Variants in TRPC4AP observed in about 807,000 individuals in gnomAD.
The protein encoded by TRPC4AP is short transient receptor potential channel 4-associated protein.
Under a neutral mutation model 99.0 loss-of-function variants are expected in TRPC4AP, and 45 were observed. The ratio of observed to expected loss-of-function variants is 0.45; its 90% CI spans 0.36 to 0.58. The LOEUF is 0.58. TRPC4AP is among the 20% of genes least tolerant of loss of function. TRPC4AP has a pLI of 0.00. For missense variants in TRPC4AP, 879 were observed against 985.3 expected, an observed-to-expected ratio of 0.89 and a Z score of 1.44; for synonymous variants, 408 against 385.8, an observed-to-expected ratio of 1.06 and a Z score of -0.67.
chr20:35,086,267 T>G (rs1274415282), intron 1 of TRPC4AP, among the ~76,000 whole-genome samples: 2 of 152,022 alleles, frequency 1.3e-5, no homozygotes, highest in African/African-American at 4.8e-5. Flanking sequence ...CCTAAATAGA[T>G]ATCTTAAAGG....
intron 4 of TRPC4AP, among the ~76,000 whole-genome samples, chr20:35,056,911 A>G (rs1056049726): frequency 2.1e-5 from 3 of 141,312 alleles, no homozygotes; most frequent in Non-Finnish European, 4.5e-5. Flanking sequence ...ACTTGAGCTC[A>G]GGAGGCGGAG....
intron 2 of TRPC4AP, among the ~76,000 whole-genome samples, chr20:35,073,055 G>A (rs2146000626): frequency 6.6e-6 from 1 of 152,238 alleles, no homozygotes; most frequent in South Asian, 2.1e-4. Context: ...ATTGTGAATG[G>A]GAGTTCACTC....
intron 8 of TRPC4AP, among the ~76,000 whole-genome samples, chr20:35,022,485 G>A (rs189888727): frequency 1.3e-5 from 2 of 152,310 alleles, no homozygotes; most frequent in Admixed American, 1.3e-4. Flanking sequence ...GAGGGCATTG[G>A]TCAGAGTCAG....
chr20:35,046,782 T>C (rs1171003611), intron 6 of TRPC4AP, among the ~76,000 whole-genome samples: 1 of 152,226 alleles, frequency 6.6e-6, no homozygotes, highest in Non-Finnish European at 1.5e-5. Context: ...CCAGTTCCTC[T>C]AGCCCTGTCT....
rs1479270980 is a variant in TRPC4AP at position 35,024,854 on chromosome 20, A to AAAAAAAAAAAAAAAAT, written c.1052-3499_1052-3498insATTTTTTTTTTTTTTT. 1.1e-4 allele frequency among the ~76,000 whole-genome samples: 10 copies of AAAAAAAAAAAAAAAAT among 89,476 alleles called. 2 individuals carry two copies. The highest frequency in any genetic ancestry group is 2.3e-4 in the Non-Finnish European group (10 of 43,686). 58.7% of individuals were successfully genotyped at this position (89,476 alleles called of 152,430 possible). Reference sequence around the variant, plus strand: ...AAAAAAAAAAAAAAAAAAAAAAAAAAATTCTGTTTATTCATTAATCAGGTG... The same window carrying AAAAAAAAAAAAAAAAT: ...AAAAAAAAAAAAAAAAAAAAAAAAAAAAAAAAAAAAAAAAATATTCTGTTTATTCATTAATCAGGTG... On this transcript the variant is annotated intron_variant, in intron 8 of 18. Transcript: ENST00000252015.
At chr20:35,072,036 T>G (rs1236901996) in intron 2 of TRPC4AP, among the ~76,000 whole-genome samples, 1 of 152,230 alleles carries the variant, frequency 6.6e-6, no homozygotes, top group Non-Finnish European at 1.5e-5. Flanking sequence ...TGATGGCCAG[T>G]GATGATGAGC....
At chr20:35,030,233 C>T (rs1224216937) in intron 8 of TRPC4AP, 1 of 98,270 alleles carries the variant, frequency 1.0e-5, no homozygotes. Flanking sequence ...AAGAGCGAAA[C>T]TCCATATCAA....
At chr20:35,082,501 T>C (rs761511580) in intron 1 of TRPC4AP, among the ~76,000 whole-genome samples, 7 of 152,164 alleles carry the variant, frequency 4.6e-5, no homozygotes, top group Non-Finnish European at 1.0e-4. Flanking sequence ...GAAGTGGATA[T>C]ATGAAAATAT....
chr20:35,086,429 ATATGTGTGTGTG>A (rs2084850350), intron 1 of TRPC4AP, among the ~76,000 whole-genome samples: 2 of 117,802 alleles, frequency 1.7e-5, no homozygotes, highest in African/African-American at 3.2e-5. Flanking sequence ...AATGAATGGC[ATATGTGTGTGTG>A]TGTGTGTGTG....
At chr20:35,051,135 T>G (rs2083690727) in intron 5 of TRPC4AP, among the ~76,000 whole-genome samples, 1 of 152,168 alleles carries the variant, frequency 6.6e-6, no homozygotes, top group Admixed American at 6.5e-5. Flanking sequence ...TTCTTTTTTT[T>G]AGCCTCTAAG....
chr20:35,029,026 C>T (rs190644960), intron 8 of TRPC4AP, among the ~76,000 whole-genome samples: 56 of 152,244 alleles, frequency 3.7e-4, no homozygotes, highest in Non-Finnish European at 7.2e-4. Context: ...CCAAGGCAGG[C>T]AGATCACCTG....
At chr20:35,022,004 G>A (rs2082901472) in intron 8 of TRPC4AP, among the ~76,000 whole-genome samples, 1 of 152,180 alleles carries the variant, frequency 6.6e-6, no homozygotes, top group Non-Finnish European at 1.5e-5. Context: ...CTTGATATGT[G>A]TCAGACTTGC....
At chr20:35,078,583 G>A (rs1193911276) in intron 1 of TRPC4AP, among the ~76,000 whole-genome samples, 1 of 152,090 alleles carries the variant, frequency 6.6e-6, no homozygotes, top group African/African-American at 2.4e-5. Flanking sequence ...GGAAGACAAA[G>A]AACAAGTATA....
At chr20:35,079,592 T>G (rs577540456) in intron 1 of TRPC4AP, among the ~76,000 whole-genome samples, 34 of 152,230 alleles carry the variant, frequency 2.2e-4, no homozygotes, top group African/African-American at 7.9e-4. Context: ...AACCAAAAGT[T>G]AGTTCTTTAA....
chr20:35,087,759 G>A (rs1363193440), intron 1 of TRPC4AP, among the ~76,000 whole-genome samples: 1 of 152,174 alleles, frequency 6.6e-6, no homozygotes, highest in African/African-American at 2.4e-5. Context: ...AAACTCCAAA[G>A]TATCACCCCA....
chr20:35,027,551 G>A (rs539566093), intron 8 of TRPC4AP, among the ~76,000 whole-genome samples: 33 of 152,284 alleles, frequency 2.2e-4, no homozygotes, highest in African/African-American at 7.9e-4. Context: ...GTTGGGAACT[G>A]TTCCTTCCTC....
In TRPC4AP at chr20:35,013,030, G is replaced by A; in HGVS notation, c.1387C>T (p.Gln463Ter). The A allele has an allele frequency of 6.2e-7, 1 of 1,614,102 alleles. No homozygotes were observed. The highest frequency in any genetic ancestry group is 8.5e-7 in the Non-Finnish European group (1 of 1,180,030). ...TACTCGTGGTGGTCACTGAAGCTCTGAAGAAGCCTCAAAAACTGTATCTTC... is the reference window on the plus strand; with the variant it reads ...TACTCGTGGTGGTCACTGAAGCTCTAAAGAAGCCTCAAAAACTGTATCTTC... ...TLKIQFLRLL[Q>*]SFSDHHENKY... The change falls in exon 11 of 19, where the codon CAG becomes TAG. Residue 463 changes from glutamine (Q) to a stop codon, truncating the protein, a stop_gained. Coordinates refer to ENST00000252015, the MANE Select transcript of TRPC4AP (RefSeq NM_015638.3). LOFTEE classifies it high-confidence loss of function.
At chr20:35,025,764 CA>C (rs1336198698) in intron 8 of TRPC4AP, among the ~76,000 whole-genome samples, 1 of 152,010 alleles carries the variant, frequency 6.6e-6, no homozygotes, top group Non-Finnish European at 1.5e-5. Context: ...TTCTGAAGAA[CA>C]AAAAGTTTTA....
At chr20:35,080,838 T>C (rs1300229627) in intron 1 of TRPC4AP, among the ~76,000 whole-genome samples, 1 of 152,042 alleles carries the variant, frequency 6.6e-6, no homozygotes, top group African/African-American at 2.4e-5. Context: ...TCTCCTTAGT[T>C]TACCAACTTG....
Sources: allele counts gnomAD v4.1 joint callset (sites outside exome capture counted in the v4.1 genomes callset), GRCh38; gene constraint gnomAD v4.1.1; transcripts MANE v1.5; gene names NCBI Gene and HGNC (gene_info 2026-07-23, HGNC 2026-07-21).